The following PCDHGA1 variants were observed in gnomAD, a reference collection of about 807,000 sequenced individuals.
PCDHGA1 encodes protocadherin gamma-A1.
In PCDHGA1, 32 loss-of-function variants were observed where a neutral mutation model predicts 58.0. The ratio of observed to expected loss-of-function variants is 0.55; its 90% confidence interval spans 0.42 to 0.74. The LOEUF (loss-of-function observed/expected upper bound fraction) is 0.74. Ranked by LOEUF, PCDHGA1 falls within the 30% of genes least tolerant of loss-of-function variation. The pLI, the probability that PCDHGA1 is intolerant of heterozygous loss-of-function variation, is 0.00. For missense variants in PCDHGA1, 1,205 were observed against 1,182.3 expected, an observed-to-expected ratio of 1.02 and a Z score of -0.28; for synonymous variants, 498 against 501.1, an observed-to-expected ratio of 0.99 and a Z score of 0.08.
rs772043134 is a variant in PCDHGA1, at chr5:141,432,746, G to A, written c.2422-62061G>A. 1.2e-6 allele frequency: 2 copies of A among 1,614,098 alleles called. No homozygotes were observed. Among genetic ancestry groups the A allele is most frequent in the East Asian group, 4.5e-5 (2 of 44,860 alleles). On this transcript the variant is annotated intron_variant, in intron 1 of 3. Coordinates refer to ENST00000517417, the MANE Select transcript of PCDHGA1 (RefSeq NM_018912.3). The surrounding 1 kb of genome is among the most constrained non-coding windows in gnomAD (Gnocchi z 6.0). ...CTCCGCCACTGTCACGCTCACCGTGGCCGTGGCCGACAGCATCCCCCAAGT... is the reference window on the plus strand; with the variant it reads ...CTCCGCCACTGTCACGCTCACCGTGACCGTGGCCGACAGCATCCCCCAAGT...
In PCDHGA1 at chr5:141,476,016, G is replaced by C; in HGVS notation, c.2422-18791G>C. On this transcript the variant is annotated intron_variant, in intron 1 of 3. Transcript: ENST00000517417. This position sits in a 1 kb window ranked among gnomAD's most constrained non-coding sequence, Gnocchi z 7.6. ...TCAACGGCATCCAGAAAGCCATGTC[G>C]GACTCGGCGCCCAGCGCCCAAGCGC... 1 of 1,359,386 alleles carries C rather than the reference G, an allele frequency of 7.4e-7. No homozygotes were observed. The highest frequency in any genetic ancestry group is 2.3e-5 in the East Asian group (1 of 43,300). 84.2% of individuals were successfully genotyped at this position (1,359,386 alleles called of 1,614,324 possible).
intron 1 of PCDHGA1, chr5:141,478,910 A>C (rs568573298): frequency 1.1e-6 from 1 of 893,688 alleles, no homozygotes; most frequent in Non-Finnish European, 1.6e-6. Context: ...AAGCTGCTGG[A>C]TACCTCTAAC....
chr5:141,346,373 C>T (rs1757745041), intron 1 of PCDHGA1: 1 of 1,614,264 alleles, frequency 6.2e-7, no homozygotes, highest in Non-Finnish European at 8.5e-7. Context: ...ACACGCTCAT[C>T]AGCCAGGAGA....
At position 141,393,057 on chromosome 5, in the gene PCDHGA1, G is replaced by C. The variant is rs1273747847; in HGVS notation, c.2421+59952G>C. 9 of 1,613,514 alleles carry C rather than the reference G, an allele frequency of 5.6e-6. No homozygotes were observed. The highest frequency in any genetic ancestry group is 2.2e-5 in the South Asian group (2 of 91,064). ...GCTCTTTGCTCTGAACCCGCGCAGC[G>C]GCAGCTTGATCACCGCGGGCAGGAT... On this transcript the variant is annotated intron_variant, in intron 1 of 3. Coordinates refer to ENST00000517417, the MANE Select transcript of PCDHGA1 (RefSeq NM_018912.3).
chr5:141,421,374 C>G, intron 1 of PCDHGA1: 1 of 1,614,062 alleles, frequency 6.2e-7, no homozygotes, highest in Non-Finnish European at 8.5e-7. Context: ...TGGGCAATAT[C>G]TCCAAGGACC....
intron 1 of PCDHGA1, among the ~76,000 whole-genome samples, chr5:141,492,329 C>T (rs2099739386): frequency 1.3e-5 from 2 of 152,232 alleles, no homozygotes; most frequent in African/African-American, 4.8e-5. Context: ...CGTGGGCTTA[C>T]GCGAATACCA....
chr5:141,379,520 C>T (rs1262594059), intron 1 of PCDHGA1: 1 of 152,194 alleles, frequency 6.6e-6, no homozygotes, highest in East Asian at 1.9e-4. Context: ...ACATCTTGAG[C>T]ATTTGTTGTT....
At chr5:141,433,181 G>T (rs199507607) in intron 1 of PCDHGA1, 45 of 1,607,620 alleles carry the variant, frequency 2.8e-5, no homozygotes, top group Non-Finnish European at 3.4e-5. Context: ...TGGGTTAATT[G>T]AGGTGAGTTT....
chr5:141,368,709 C>T (rs540009128), intron 1 of PCDHGA1, among the ~76,000 whole-genome samples: 5 of 152,276 alleles, frequency 3.3e-5, no homozygotes, highest in African/African-American at 1.2e-4. Flanking sequence ...TTGATCCATA[C>T]ATTTTGAATG....
intron 1 of PCDHGA1, chr5:141,361,391 A>G: frequency 6.2e-7 from 1 of 1,613,912 alleles, no homozygotes; most frequent in Non-Finnish European, 8.5e-7. Context: ...CCAGAATACA[A>G]TCTCACCATC....
chr5:141,497,497 C>T (rs1318882060), intron 2 of PCDHGA1, among the ~76,000 whole-genome samples: 1 of 151,714 alleles, frequency 6.6e-6, no homozygotes, highest in Non-Finnish European at 1.5e-5. Context: ...TCTCTCTCTC[C>T]TCTCTCTGCT....
intron 1 of PCDHGA1, chr5:141,364,242 G>T (rs192201180): frequency 1.4e-6 from 2 of 1,451,340 alleles, no homozygotes; most frequent in South Asian, 3.0e-5. Context: ...GCCCATTTTC[G>T]TCAGGGAATA....
chr5:141,396,538 T>C (rs1352031358), intron 1 of PCDHGA1: 1 of 151,514 alleles, frequency 6.6e-6, no homozygotes, highest in Non-Finnish European at 1.5e-5. Flanking sequence ...AAGAATCACT[T>C]GAACCCGGGA....
At chr5:141,441,878 TG>T in intron 1 of PCDHGA1, 1 of 343,708 alleles carries the variant, frequency 2.9e-6, no homozygotes, top group Non-Finnish European at 5.6e-6. Context: ...CCTGGCTACC[TG>T]GTCACCAAGG....
intron 1 of PCDHGA1, among the ~76,000 whole-genome samples, chr5:141,386,959 G>A (rs1339408726): frequency 6.6e-6 from 1 of 152,220 alleles, no homozygotes; most frequent in Non-Finnish European, 1.5e-5. Flanking sequence ...CAGTGCAGCA[G>A]ATCTCAGTGA....
chr5:141,454,857 G>C (rs1365819097), intron 1 of PCDHGA1, among the ~76,000 whole-genome samples: 2 of 131,566 alleles, frequency 1.5e-5, no homozygotes, highest in African/African-American at 6.0e-5. Context: ...ACCCAGGCTG[G>C]AGTGCAGTGG....
intron 1 of PCDHGA1, chr5:141,426,320 G>A (rs2096927622): frequency 1.1e-5 from 2 of 175,034 alleles, no homozygotes; most frequent in South Asian, 1.3e-4. Context: ...AGCAGGACCC[G>A]GCAGTGGCAA....
At chr5:141,343,594 G>A (rs1757299140) in intron 1 of PCDHGA1, among the ~76,000 whole-genome samples, 1 of 152,178 alleles carries the variant, frequency 6.6e-6, no homozygotes, top group Admixed American at 6.5e-5. Context: ...AATATTGGTG[G>A]CATTAAGGTT....
intron 1 of PCDHGA1, among the ~76,000 whole-genome samples, chr5:141,447,978 C>T (rs759162070): frequency 1.1e-4 from 17 of 151,694 alleles, no homozygotes; most frequent in East Asian, 3.9e-4. Flanking sequence ...CCCAGCTACT[C>T]GGGAGGCTGA....
Sources: gnomAD v4.1 joint callset for allele counts (sites outside exome capture counted in the v4.1 genomes callset) on GRCh38, gnomAD v4.1.1 for gene constraint, Gnocchi (gnomAD v3.1) non-coding constraint, MANE v1.5 for transcripts, NCBI Gene and HGNC (gene_info 2026-07-23, HGNC 2026-07-21) for gene names.